Variants in FKBP1B observed in about 807,000 individuals in gnomAD.
FKBP1B encodes the protein FKBP prolyl isomerase 1B.
A neutral mutation model predicts 13.5 loss-of-function variants in FKBP1B; 4 were observed. The observed-to-expected ratio is 0.30, with a 90% confidence interval of 0.15 to 0.68. The LOEUF (loss-of-function observed/expected upper bound fraction) is 0.68. Ranked by LOEUF, FKBP1B falls within the 30% of genes least tolerant of loss-of-function variation. The pLI is 0.76. For synonymous variants in FKBP1B, 54 were observed against 53.6 expected, an observed-to-expected ratio of 1.01 and a Z score of -0.03; for missense variants, 93 against 136.2, an observed-to-expected ratio of 0.68 and a Z score of 1.58.
upstream of FKBP1B, among the ~76,000 whole-genome samples, chr2:24,046,521 C>A (rs1232287287): frequency 6.6e-6 from 1 of 152,162 alleles, no homozygotes; most frequent in East Asian, 1.9e-4. Context: ...AGAGCCGGTG[C>A]TCAGTATATA....
chr2:24,062,989 A>C, intron 3 of FKBP1B, 75 bp from the exon 4 acceptor site: 1 of 1,610,000 alleles, frequency 6.2e-7, no homozygotes, highest in African/African-American at 1.3e-5. Flanking sequence ...AAAATGCCAT[A>C]GTCATCTAAC....
At chr2:24,039,868 G>C in the FKBP1B span, among the ~76,000 whole-genome samples, 1 of 152,072 alleles carries the variant, frequency 6.6e-6, no homozygotes, top group Non-Finnish European at 1.5e-5. Flanking sequence ...CACAATCTCG[G>C]CGCACTTCAA....
the FKBP1B span, chr2:24,038,430 T>G: frequency 6.2e-7 from 1 of 1,614,164 alleles, no homozygotes; most frequent in Admixed American, 1.7e-5. Context: ...TGGAAGCCAC[T>G]GCCACTACGT....
At chr2:24,033,385 G>T in the FKBP1B span, 1 of 230,148 alleles carries the variant, frequency 4.3e-6, no homozygotes, top group Admixed American at 5.1e-5. Flanking sequence ...AACAAACCAT[G>T]GTCAAAATTC....
At chr2:24,040,806 T>TAC in the FKBP1B span, among the ~76,000 whole-genome samples, 1 of 150,334 alleles carries the variant, frequency 6.7e-6, no homozygotes, top group African/African-American at 2.4e-5. Flanking sequence ...CACCTGAGGT[T>TAC]GGGAGTTCGA....
upstream of FKBP1B, chr2:24,047,461 T>C (rs1411687585): frequency 2.0e-5 from 3 of 152,048 alleles, no homozygotes; most frequent in Non-Finnish European, 4.4e-5. Flanking sequence ...CTCTGATAGG[T>C]GGGTGGTCCT....
At chr2:24,043,033 C>CA in the FKBP1B span, among the ~76,000 whole-genome samples, 110,981 of 135,076 alleles carry the variant, frequency 0.82, 45,136 homozygotes, top group East Asian at 0.87. Flanking sequence ...AACTCCGTCT[C>CA]AAAAAAAAAA....
the FKBP1B span, among the ~76,000 whole-genome samples, chr2:24,036,012 C>T: frequency 2.7e-5 from 4 of 150,236 alleles, no homozygotes; most frequent in South Asian, 4.2e-4. Context: ...GAGGTTGCAG[C>T]GAGCTGAGAT....
chr2:24,041,317 C>T, the FKBP1B span, among the ~76,000 whole-genome samples: 417 of 149,270 alleles, frequency 2.8e-3, 2 homozygotes, highest in African/African-American at 9.9e-3. Flanking sequence ...TCAGCCTGGG[C>T]GACAGGAGCA....
chr2:24,062,194 A>G (rs1208019674), intron 3 of FKBP1B, among the ~76,000 whole-genome samples: 2 of 150,964 alleles, frequency 1.3e-5, no homozygotes, highest in Non-Finnish European at 2.9e-5. Context: ...TTATTTTGAG[A>G]CGTAGTCTCA....
At chr2:24,041,356 C>A in the FKBP1B span, among the ~76,000 whole-genome samples, 1 of 145,272 alleles carries the variant, frequency 6.9e-6, no homozygotes, top group Non-Finnish European at 1.5e-5. Flanking sequence ...AAAAAAAAAA[C>A]TGTTCCCTCC....
chr2:24,051,866 C>T (rs1035036937), intron 1 of FKBP1B, among the ~76,000 whole-genome samples: 1 of 152,124 alleles, frequency 6.6e-6, no homozygotes, highest in African/African-American at 2.4e-5. Flanking sequence ...TATCCAGCCC[C>T]GTAGCTTTAA....
intron 2 of FKBP1B, among the ~76,000 whole-genome samples, chr2:24,058,002 G>A (rs1664217800): frequency 6.6e-6 from 1 of 151,960 alleles, no homozygotes; most frequent in Non-Finnish European, 1.5e-5. Flanking sequence ...TTCGAGACCA[G>A]CCTTGCCAAC....
At chr2:24,039,454 T>G in the FKBP1B span, 1 of 1,614,260 alleles carries the variant, frequency 6.2e-7, no homozygotes, top group Non-Finnish European at 8.5e-7. Flanking sequence ...ATGCAACGCA[T>G]TCAGTCCAGT....
the FKBP1B span, among the ~76,000 whole-genome samples, chr2:24,043,491 T>TAAAAG: frequency 1.3e-5 from 2 of 151,018 alleles, no homozygotes; most frequent in African/African-American, 2.5e-5. Context: ...TGTCTCTACT[T>TAAAAG]AAAACAAAAC....
the FKBP1B span, chr2:24,038,168 C>T: frequency 6.2e-7 from 1 of 1,614,196 alleles, no homozygotes; most frequent in Non-Finnish European, 8.5e-7. Context: ...GTCTGGCTTT[C>T]ACCTGATGTT....
intron 2 of FKBP1B, among the ~76,000 whole-genome samples, chr2:24,055,178 A>G (rs1328744962): frequency 6.7e-6 from 1 of 150,092 alleles, no homozygotes; most frequent in Non-Finnish European, 1.5e-5. Flanking sequence ...CCCTAGAGGT[A>G]GCTATCATTG....
chr2:24,059,837 G>A (rs1460603717), intron 2 of FKBP1B, among the ~76,000 whole-genome samples: 4 of 142,148 alleles, frequency 2.8e-5, no homozygotes. Flanking sequence ...GGAGGTTGCA[G>A]TGAACCGAGA....
the FKBP1B span, among the ~76,000 whole-genome samples, chr2:24,033,482 C>T: frequency 8.5e-5 from 13 of 152,156 alleles, no homozygotes; most frequent in Non-Finnish European, 1.5e-4. Context: ...TGGCTCACCC[C>T]TTAGTACCAA....
Sources: allele counts gnomAD v4.1 joint callset (sites outside exome capture counted in the v4.1 genomes callset), GRCh38; gene constraint gnomAD v4.1.1; transcripts MANE v1.5; gene names NCBI Gene and HGNC (gene_info 2026-07-23, HGNC 2026-07-21).